The following CEP63 variants were observed in gnomAD, a reference collection of about 807,000 sequenced individuals.
The protein encoded by CEP63 is centrosomal protein 63, also known as centrosomal protein of 63 kDa.
In CEP63, 84 loss-of-function variants were observed where a neutral mutation model predicts 89.1. That is an observed-to-expected ratio of 0.94 (90% CI 0.79 to 1.13). The LOEUF (loss-of-function observed/expected upper bound fraction) is 1.13, where lower values mean the gene tolerates loss of function less well. CEP63 is among the 50% of genes most tolerant of loss of function. The probability of loss-of-function intolerance (pLI) is 0.00; values close to 1 mark genes in which losing one functional copy is unlikely to be tolerated. For synonymous variants in CEP63, 267 were observed against 272.5 expected (o/e 0.98, Z 0.20); for missense variants, 838 against 813.3 (o/e 1.03, Z -0.37).
the CEP63 span, chr3:134,620,685 G>A: frequency 8.7e-7 from 1 of 1,146,938 alleles, no homozygotes; most frequent in Non-Finnish European, 1.3e-6. Flanking sequence ...GCTGATAGGA[G>A]CAGAGGCCTG....
chr3:134,634,725 A>G, the CEP63 span, among the ~76,000 whole-genome samples: 1 of 152,176 alleles, frequency 6.6e-6, no homozygotes, highest in Non-Finnish European at 1.5e-5. Flanking sequence ...GATGGAGAGT[A>G]CTGTTCATGG....
chr3:134,756,629 C>T, the CEP63 span, among the ~76,000 whole-genome samples: 1 of 152,198 alleles, frequency 6.6e-6, no homozygotes, highest in Non-Finnish European at 1.5e-5. Context: ...GCTAGGATTA[C>T]AGGCGTGAGC....
At chr3:134,703,227 C>T in the CEP63 span, among the ~76,000 whole-genome samples, 6 of 142,160 alleles carry the variant, frequency 4.2e-5, no homozygotes, top group Admixed American at 7.7e-5. Context: ...ACCTGGAAGG[C>T]GAAGCTTGCA....
the CEP63 span, among the ~76,000 whole-genome samples, chr3:134,681,796 A>G: frequency 6.6e-6 from 1 of 152,204 alleles, no homozygotes; most frequent in East Asian, 1.9e-4. Flanking sequence ...CACGTGGATG[A>G]TCTCATGCGG....
chr3:134,738,728 A>G, the CEP63 span, among the ~76,000 whole-genome samples: 126 of 152,328 alleles, frequency 8.3e-4, no homozygotes, highest in African/African-American at 2.7e-3. Flanking sequence ...GAACTTACTC[A>G]TGTAACCAAA....
At chr3:134,701,214 ATG>A in the CEP63 span, among the ~76,000 whole-genome samples, 136,030 of 137,800 alleles carry the variant, frequency 0.99, 67,161 homozygotes, top group Non-Finnish European at 1. Flanking sequence ...ATACGTATAT[ATG>A]TGTGTATATA....
At chr3:134,736,209 A>G in the CEP63 span, among the ~76,000 whole-genome samples, 3 of 152,150 alleles carry the variant, frequency 2.0e-5, no homozygotes, top group Non-Finnish European at 4.4e-5. Context: ...CATACGGAAT[A>G]TGTATGTATG....
chr3:134,648,779 C>T, the CEP63 span, among the ~76,000 whole-genome samples: 1 of 152,208 alleles, frequency 6.6e-6, no homozygotes, highest in African/African-American at 2.4e-5. Context: ...TTACGGATTA[C>T]TCCATCCTCT....
downstream of CEP63, among the ~76,000 whole-genome samples, chr3:134,568,302 C>T (rs559011762): frequency 1.6e-4 from 24 of 152,284 alleles, no homozygotes; most frequent in South Asian, 1.2e-3. Flanking sequence ...GACTTTTCTG[C>T]GACCTAGGAC....
chr3:134,606,465 G>A, the CEP63 span, among the ~76,000 whole-genome samples: 2 of 152,050 alleles, frequency 1.3e-5, no homozygotes, highest in Non-Finnish European at 2.9e-5. Flanking sequence ...CCTGGATAAG[G>A]CTTCATGGTA....
chr3:134,630,767 A>C, the CEP63 span, among the ~76,000 whole-genome samples: 1 of 152,246 alleles, frequency 6.6e-6, no homozygotes, highest in South Asian at 2.1e-4. Context: ...GACTCAGGAA[A>C]GTCTTAATTT....
the CEP63 span, among the ~76,000 whole-genome samples, chr3:134,775,328 T>A: frequency 6.6e-6 from 1 of 152,156 alleles, no homozygotes; most frequent in Non-Finnish European, 1.5e-5. Context: ...TTCAGCCCAA[T>A]CCCCTGAGGG....
At chr3:134,621,896 G>A in the CEP63 span, among the ~76,000 whole-genome samples, 1 of 151,862 alleles carries the variant, frequency 6.6e-6, no homozygotes, top group Non-Finnish European at 1.5e-5. Context: ...TTCAAAAAGG[G>A]GCAAAGGACT....
intron 3 of CEP63, among the ~76,000 whole-genome samples, chr3:134,523,734 T>C (rs1019812776): frequency 1.3e-5 from 2 of 152,178 alleles, no homozygotes; most frequent in Admixed American, 1.3e-4. Flanking sequence ...CTCTATTCTC[T>C]TCCATTGGTC....
chr3:134,520,087 C>T lies in CEP63; in HGVS notation c.223-11758C>T, dbSNP rs188532568. ...TATTGTAGTGGAGGTGTAGCTAGTG[C>T]AATAAAGCAAGAAAAATAAATAAAA... On this transcript the variant is annotated intron_variant, in intron 3 of 14. Transcript: ENST00000675561. 9.2e-4 allele frequency among the ~76,000 whole-genome samples: 139 copies of T among 151,750 alleles called. 1 individual carries two copies. The highest frequency in any genetic ancestry group is 3.3e-3 in the African/African-American group (137 of 41,326).
intron 1 of CEP63, among the ~76,000 whole-genome samples, chr3:134,488,387 G>A (rs536893102): frequency 6.6e-6 from 1 of 152,008 alleles, no homozygotes; most frequent in Non-Finnish European, 1.5e-5. Flanking sequence ...GCCGAGGTGG[G>A]CATGAGGTCA....
At chr3:134,729,596 T>C in the CEP63 span, among the ~76,000 whole-genome samples, 2 of 152,232 alleles carry the variant, frequency 1.3e-5, no homozygotes, top group African/African-American at 4.8e-5. Context: ...ATATGAAGTT[T>C]GCATTTTTCC....
intron 3 of CEP63, among the ~76,000 whole-genome samples, chr3:134,524,454 C>G (rs546921745): frequency 6.6e-6 from 1 of 152,160 alleles, no homozygotes; most frequent in South Asian, 2.1e-4. Flanking sequence ...GGGCATCCTT[C>G]TCTTCTGCTG....
chr3:134,486,922 AT>A (rs1215209492), intron 1 of CEP63, among the ~76,000 whole-genome samples: 1 of 152,220 alleles, frequency 6.6e-6, no homozygotes, highest in Non-Finnish European at 1.5e-5. Context: ...AAGACAGTAC[AT>A]TTAGGCTTAT....
Sources: gnomAD v4.1 joint callset for allele counts (sites outside exome capture counted in the v4.1 genomes callset) on GRCh38, gnomAD v4.1.1 for gene constraint, MANE v1.5 for transcripts, NCBI Gene and HGNC (gene_info 2026-07-23, HGNC 2026-07-21) for gene names.